Variants in FAT3 observed in about 807,000 individuals in gnomAD.
FAT3 encodes FAT atypical cadherin 3, also known as protocadherin Fat 3.
In FAT3, 95 loss-of-function variants were observed where a neutral mutation model predicts 310.2. The ratio of observed to expected loss-of-function variants is 0.31; its 90% confidence interval spans 0.26 to 0.36. The LOEUF (loss-of-function observed/expected upper bound fraction) is 0.36. FAT3 is among the 10% of genes least tolerant of loss of function. FAT3 has a pLI of 1.00. For missense variants in FAT3, 5,408 were observed against 5,715.6 expected (o/e 0.95, Z 1.74); for synonymous variants, 2,314 against 2,192.9 (o/e 1.06, Z -1.54).
chr11:92,292,110 C>T (rs1190640124), intron 1 of FAT3, among the ~76,000 whole-genome samples: 4 of 151,922 alleles, frequency 2.6e-5, no homozygotes, highest in African/African-American at 9.7e-5. Flanking sequence ...AAAATTGAAC[C>T]ACGGATGTGA....
chr11:92,412,402 A>ATTT lies in FAT3; in HGVS notation c.3292+57015_3292+57017dup, dbSNP rs780298367. The stretch of plus-strand genomic sequence containing the variant: ...AGGCATGAGCCACCAGACCCGGCCT[A>ATTT]TTTTTTTTTTTTTTTTTTTGAGAGT... On this transcript the variant is annotated intron_variant, in intron 2 of 27. Transcript: ENST00000525166. 3.0e-3 allele frequency among the ~76,000 whole-genome samples: 304 copies of ATTT among 101,136 alleles called. 7 individuals are homozygous for ATTT. Among genetic ancestry groups the ATTT allele is most frequent in the African/African-American group, 8.8e-3 (273 of 30,852 alleles). 66.3% of individuals were successfully genotyped at this position (101,136 alleles called of 152,430 possible).
rs538189157 is a variant in FAT3, at chr11:92,666,517, ATT to A, written c.3608-30852_3608-30851del. On this transcript the variant is annotated intron_variant, in intron 3 of 27. Transcript: ENST00000525166. ...CAGACAACCGCCACCACGCCCAGCT[ATT>A]TTTTTTTTTTTTTTGTATCTTTAGT... Among the ~76,000 whole-genome samples, 36 of 132,390 alleles carry A rather than the reference ATT, an allele frequency of 2.7e-4. No individual in the cohort carries two copies. In the South Asian group the frequency reaches 3.4e-3, roughly 13 times the overall value. The allele number at this position is 132,390 out of a possible 152,430, so 86.9% of individuals were successfully genotyped here. A position where few individuals can be genotyped will look rare whatever the true frequency, so the allele number is the denominator to read the frequency against.
chr11:92,447,471 G>A (rs977726869), intron 2 of FAT3, among the ~76,000 whole-genome samples: 2 of 151,998 alleles, frequency 1.3e-5, no homozygotes, highest in Non-Finnish European at 2.9e-5. Context: ...ATCCTGGCCC[G>A]CTGAATGTGT....
chr11:92,846,560 T>G (rs1948689037), intron 19 of FAT3, among the ~76,000 whole-genome samples: 1 of 152,166 alleles, frequency 6.6e-6, no homozygotes, highest in Admixed American at 6.5e-5. Flanking sequence ...ACTGAATAAT[T>G]CTTTAAAAGA....
At position 92,524,689 on chromosome 11, in the gene FAT3, A is replaced by T; in HGVS notation, c.3348A>T (p.Leu1116=). 1 of 1,613,850 alleles carries T rather than the reference A, an allele frequency of 6.2e-7. No individual in the cohort carries two copies. Among genetic ancestry groups the T allele is most frequent in the South Asian group, 1.1e-5 (1 of 91,072 alleles). ...GGGAGACAATGGGGTCATACTGGCT[A>T]ACAGTGTATGCCACAGACAGGGGCG... ...LDRETMGSYW[L]TVYATDRGVV... Residue 1116 remains leucine (L), a synonymous_variant, in exon 3 of 28, where the codon CTA becomes CTT. Coordinates refer to ENST00000525166, the MANE Select transcript of FAT3 (RefSeq NM_001367949.2).
intron 3 of FAT3, among the ~76,000 whole-genome samples, chr11:92,574,979 A>C (rs958543701): frequency 6.6e-6 from 1 of 152,146 alleles, no homozygotes; most frequent in African/African-American, 2.4e-5. Flanking sequence ...GCTAGCCTGC[A>C]CTTAGATTCG....
intron 2 of FAT3, among the ~76,000 whole-genome samples, chr11:92,405,173 A>G (rs575568231): frequency 1.3e-5 from 2 of 152,140 alleles, no homozygotes; most frequent in African/African-American, 2.4e-5. Flanking sequence ...TTTTCTCCCA[A>G]GCAGATCTCT....
intron 1 of FAT3, among the ~76,000 whole-genome samples, chr11:92,335,002 C>T (rs578046933): frequency 5.7e-4 from 87 of 152,278 alleles, no homozygotes; most frequent in Non-Finnish European, 7.9e-4. Context: ...GCATATATTA[C>T]AAAGGAGAAA....
chr11:92,759,564 C>G lies in FAT3; in HGVS notation c.3670-2292C>G, dbSNP rs150735240. ...CTCCACAGAAAGGATAGGGACAGCT[C>G]TCCAAAGAAAAGAGGACCTGAAGGA... is the stretch of plus-strand genomic sequence containing the variant. On this transcript the variant is annotated intron_variant, in intron 4 of 27. Coordinates refer to ENST00000525166, the MANE Select transcript of FAT3 (RefSeq NM_001367949.2). Among the ~76,000 whole-genome samples the G allele has an allele frequency of 8.6e-3, 1,306 of 152,142 alleles. 31 individuals carry two copies. Among genetic ancestry groups the G allele is most frequent in the African/African-American group, 0.03 (1,245 of 41,502 alleles).
intron 3 of FAT3, chr11:92,559,383 CTTTT>C (rs386374501): frequency 1.3e-3 from 193 of 143,712 alleles, no homozygotes; most frequent in South Asian, 4.7e-3. Context: ...ACTTATTTTC[CTTTT>C]TTTTTTTTTT....
chr11:92,825,891 T>C (rs1948090312), intron 13 of FAT3, among the ~76,000 whole-genome samples: 1 of 152,062 alleles, frequency 6.6e-6, no homozygotes, highest in Non-Finnish European at 1.5e-5. Context: ...ATTCAAGAGA[T>C]ATCTCAGAGG....
intron 2 of FAT3, among the ~76,000 whole-genome samples, chr11:92,387,846 T>G (rs1484508329): frequency 1.3e-5 from 2 of 152,184 alleles, no homozygotes; most frequent in African/African-American, 4.8e-5. Context: ...GATTTCTTCA[T>G]GCAGATCATC....
At chr11:92,808,785 G>T (rs888717996) in intron 12 of FAT3, among the ~76,000 whole-genome samples, 2 of 152,018 alleles carry the variant, frequency 1.3e-5, no homozygotes, top group African/African-American at 4.8e-5. Flanking sequence ...AATTAGCCAG[G>T]CATGGTGGCG....
chr11:92,807,945 G>C (rs967371302), intron 12 of FAT3, among the ~76,000 whole-genome samples: 1 of 152,096 alleles, frequency 6.6e-6, no homozygotes, highest in African/African-American at 2.4e-5. Context: ...GTGTTGTGTT[G>C]GTTCTAGTGA....
intron 1 of FAT3, among the ~76,000 whole-genome samples, chr11:92,230,421 G>T (rs1335042673): frequency 6.6e-6 from 1 of 151,820 alleles, no homozygotes; most frequent in Non-Finnish European, 1.5e-5. Context: ...AGTCTCCCGA[G>T]TAACTGGGAT....
chr11:92,845,927 C>G (rs998645636), intron 19 of FAT3, among the ~76,000 whole-genome samples: 1 of 152,086 alleles, frequency 6.6e-6, no homozygotes, highest in Non-Finnish European at 1.5e-5. Context: ...GCCAGCTGCT[C>G]TCTGTGGTAT....
intron 4 of FAT3, among the ~76,000 whole-genome samples, chr11:92,761,159 G>C (rs61901923): frequency 3.3e-5 from 5 of 152,102 alleles, no homozygotes; most frequent in Non-Finnish European, 7.4e-5. Context: ...GAAATTTATT[G>C]TTCACAATTC....
intron 1 of FAT3, among the ~76,000 whole-genome samples, chr11:92,299,113 G>A (rs1049998644): frequency 6.6e-6 from 1 of 152,070 alleles, no homozygotes; most frequent in African/African-American, 2.4e-5. Context: ...TCTGGCTGAG[G>A]TCTGGAAAGG....
intron 2 of FAT3, among the ~76,000 whole-genome samples, chr11:92,453,667 C>T (rs1275552297): frequency 6.6e-6 from 1 of 152,120 alleles, no homozygotes; most frequent in East Asian, 1.9e-4. Context: ...TAACTATATT[C>T]AACAAGATAA....
Sources: gnomAD v4.1 joint callset for allele counts (sites outside exome capture counted in the v4.1 genomes callset) on GRCh38, gnomAD v4.1.1 for gene constraint, MANE v1.5 for transcripts, NCBI Gene and HGNC (gene_info 2026-07-23, HGNC 2026-07-21) for gene names.